Variants in VPS13D observed in about 807,000 individuals in gnomAD.
VPS13D encodes the protein vacuolar protein sorting 13 homolog D, also known as intermembrane lipid transfer protein VPS13D.
Under a neutral mutation model 461.9 loss-of-function variants are expected in VPS13D, and 187 were observed. That is an observed-to-expected ratio of 0.40 (90% confidence interval 0.36 to 0.46). VPS13D has a LOEUF of 0.46. VPS13D is among the 20% of genes least tolerant of loss of function. The pLI is 0.60. For missense variants in VPS13D, 4,711 were observed against 5,364.9 expected (o/e 0.88, Z 3.81); for synonymous variants, 1,951 against 1,986.3 (o/e 0.98, Z 0.47).
At chr1:12,393,746 C>T (rs2101668370) in intron 60 of VPS13D, among the ~76,000 whole-genome samples, 1 of 152,264 alleles carries the variant, frequency 6.6e-6, no homozygotes, top group African/African-American at 2.4e-5. Context: ...TGGCCTTTCC[C>T]ACCATACTAG....
intron 13 of VPS13D, 47 bp downstream of exon 13, chr1:12,262,127 G>T (rs770464412): frequency 1.4e-5 from 22 of 1,560,102 alleles, no homozygotes; most frequent in Non-Finnish European, 1.9e-5. Flanking sequence ...CTCTCTGTGG[G>T]CCAATGTCCA....
intron 31 of VPS13D, 38 bp downstream of exon 31, chr1:12,318,375 T>G: frequency 6.3e-7 from 1 of 1,582,432 alleles, no homozygotes; most frequent in Non-Finnish European, 8.6e-7. Flanking sequence ...GTGCTTAGTT[T>G]GGATGTTAGG....
intron 6 of VPS13D, among the ~76,000 whole-genome samples, chr1:12,252,607 A>G (rs755500173): frequency 1.3e-5 from 2 of 151,998 alleles, no homozygotes; most frequent in Non-Finnish European, 2.9e-5. Flanking sequence ...CCCCATCTCT[A>G]TTAAAAATAA....
At chr1:12,356,577 A>G (rs1472204191) in intron 49 of VPS13D, 53 bp downstream of exon 49, 2 of 1,593,446 alleles carry the variant, frequency 1.3e-6, no homozygotes, top group African/African-American at 2.7e-5. Flanking sequence ...GAAGGGAAGA[A>G]ATTAGTAAAG....
At chr1:12,493,345 T>C (rs1263384365) in intron 67 of VPS13D, among the ~76,000 whole-genome samples, 4 of 151,822 alleles carry the variant, frequency 2.6e-5, no homozygotes, top group African/African-American at 9.7e-5. Flanking sequence ...TAGCTGGGCA[T>C]GGTGGCGGGC....
intron 22 of VPS13D, 142 bp downstream of exon 22, chr1:12,288,455 T>C (rs550427689): frequency 8.0e-4 from 567 of 710,780 alleles, no homozygotes; most frequent in Admixed American, 2.9e-3. Flanking sequence ...CCAGGATTCA[T>C]GGTGGTGGTT....
intron 65 of VPS13D, among the ~76,000 whole-genome samples, chr1:12,426,229 G>T (rs2100279116): frequency 6.6e-6 from 1 of 152,298 alleles, no homozygotes; most frequent in East Asian, 1.9e-4. Context: ...AAATCATGTG[G>T]GATGTGCAGT....
In VPS13D at chr1:12,373,839, G is replaced by A. The variant is rs200207604; in HGVS notation, c.10898G>A (p.Arg3633Lys). 3.7e-6 allele frequency: 6 copies of A among 1,606,602 alleles called. No homozygotes were observed. In the Admixed American group the frequency reaches 5.1e-5, roughly 14 times the overall value. Residue 3633 changes from arginine to lysine, a missense_variant, in exon 55 of 70, where the codon AGA becomes AAA. Physicochemically the swap from Arg to Lys is conservative, Grantham distance 26. Transcript: ENST00000620676. ...TTGGATGTCTCACCCAAGACACAAA[G>A]AGTCATTTTAAAAAAGAAGGTAAGA... The part of the protein sequence containing the change: ...LVLDVSPKTQ[R>K]VILKKKEPGK...
At chr1:12,498,316 C>T (rs1254022806) in intron 68 of VPS13D, among the ~76,000 whole-genome samples, 1 of 152,032 alleles carries the variant, frequency 6.6e-6, no homozygotes, top group Non-Finnish European at 1.5e-5. Context: ...GCTTATTTGC[C>T]ATCTCCTTTA....
chr1:12,460,383 C>G lies in VPS13D; in HGVS notation c.12649C>G (p.Leu4217Val), dbSNP rs774818274. 1.3e-6 allele frequency: 2 copies of G among 1,599,622 alleles called. No individual in the cohort carries two copies. Among genetic ancestry groups the G allele is most frequent in the South Asian group, 2.3e-5 (2 of 88,782 alleles). ...TAQAVRDTATLSGPRTQAQRV... is the reference protein window; with the variant it reads ...TAQAVRDTATVSGPRTQAQRV... The stretch of plus-strand genomic sequence containing the variant: ...CCAGGCGGTGAGAGACACAGCCACA[C>G]TCAGCGGCCCCAGGTCAGTGGTGTG... The change falls in exon 67 of 70, where the codon CTC (leucine) becomes GTC (valine). Residue 4217 changes from leucine to valine, a missense_variant. Physicochemically the swap from Leu to Val is conservative, Grantham distance 32 (BLOSUM62 1). This residue lies in a region of VPS13D where 194 missense variants were observed against 220.9 expected (regional missense o/e 0.88). Coordinates refer to ENST00000620676, the MANE Select transcript of VPS13D (RefSeq NM_015378.4).
At chr1:12,378,293 A>T in intron 55 of VPS13D, 135 bp from the exon 56 acceptor site, 1 of 719,136 alleles carries the variant, frequency 1.4e-6, no homozygotes, top group Non-Finnish European at 2.0e-6. Flanking sequence ...TTAAGCATTT[A>T]TATAATGTGG....
chr1:12,365,089 C>G (rs1390652157), intron 52 of VPS13D, among the ~76,000 whole-genome samples: 2 of 152,140 alleles, frequency 1.3e-5, no homozygotes, highest in African/African-American at 4.8e-5. Context: ...AAGTTTATTT[C>G]TGGGCACTCT....
chr1:12,335,916 C>T (rs756472907), intron 39 of VPS13D, 89 bp downstream of exon 39: 1 of 1,577,094 alleles, frequency 6.3e-7, no homozygotes. Context: ...AACCATCATT[C>T]TGCGTGGAAA....
Position 12,261,100 on chromosome 1 carries a change from G to A in VPS13D, c.1365G>A (p.Glu455=). ...GQQTPEGNVV[E]GLSAEQQEQW... ...AGACCCCAGAAGGGAATGTGGTTGA[G>A]GGACTGTCAGCAGAGCAACAGGAGC... Residue 455 remains glutamate (E), a synonymous_variant, in exon 12 of 70, where the codon GAG becomes GAA. Transcript: ENST00000620676. The A allele has an allele frequency of 1.2e-6, 2 of 1,614,172 alleles. No individual in the cohort carries two copies. The highest frequency in any genetic ancestry group is 1.7e-6 in the Non-Finnish European group (2 of 1,180,032).
rs776749665 is a variant in VPS13D at position 12,401,674 on chromosome 1, A to G, written c.11851A>G (p.Ser3951Gly). 6.2e-7 allele frequency: 1 copy of G among 1,613,448 alleles called. No individual in the cohort carries two copies. The stretch of plus-strand genomic sequence containing the variant: ...GGAGAAACTGCTCCTCAAGCTGCTA[A>G]GTTTCTTTGGCTACGATCAAGCAGA... The part of the protein sequence containing the change: ...IEEKLLLKLL[S>G]FFGYDQAESE... The change falls in exon 62 of 70, where the codon AGT becomes GGT. Residue 3951 changes from serine to glycine, a missense_variant. Ser to Gly is a moderately conservative substitution (Grantham distance 56). This residue lies in a region of VPS13D where 4,411 missense variants were observed against 4,937.8 expected (regional missense o/e 0.89). Transcript: ENST00000620676.
intron 59 of VPS13D, among the ~76,000 whole-genome samples, chr1:12,385,700 T>G (rs1644342204): frequency 6.6e-6 from 1 of 152,246 alleles, no homozygotes; most frequent in Non-Finnish European, 1.5e-5. Context: ...CTGTTTTCTC[T>G]GTTTGGGATT....
intron 39 of VPS13D, 105 bp downstream of exon 39, chr1:12,335,932 A>G (rs1055469985): frequency 2.1e-5 from 32 of 1,533,748 alleles, no homozygotes; most frequent in Non-Finnish European, 2.8e-5. Flanking sequence ...GGAAAAACCT[A>G]CAGGAAATTC....
At chr1:12,403,349 T>C (rs1644604793) in intron 62 of VPS13D, among the ~76,000 whole-genome samples, 1 of 152,262 alleles carries the variant, frequency 6.6e-6, no homozygotes, top group Admixed American at 6.5e-5. Flanking sequence ...ATTACGTCTT[T>C]ACAGCCCGCA....
chr1:12,457,633 TG>T (rs1285760165), intron 66 of VPS13D, among the ~76,000 whole-genome samples: 1 of 152,224 alleles, frequency 6.6e-6, no homozygotes, highest in Non-Finnish European at 1.5e-5. Context: ...TATCTGCATT[TG>T]GAAGAAGAGG....
Sources: gnomAD v4.1 joint callset for allele counts (sites outside exome capture counted in the v4.1 genomes callset) on GRCh38, gnomAD v4.1.1 for gene constraint, gnomAD v4.1.1 regional missense constraint, MANE v1.5 for transcripts, NCBI Gene and HGNC (gene_info 2026-07-23, HGNC 2026-07-21) for gene names.